Variants in PRDM5 observed in about 807,000 individuals in gnomAD.
PRDM5 encodes PR domain zinc finger protein 5.
PRDM5 carries 56 observed loss-of-function variants against 81.2 expected under a neutral mutation model. The ratio of observed to expected loss-of-function variants is 0.69; its 90% CI spans 0.56 to 0.86. PRDM5 has a LOEUF of 0.86. PRDM5 is among the 40% of genes least tolerant of loss of function. PRDM5 has a pLI of 0.00. For missense variants in PRDM5, 697 were observed against 770.1 expected (o/e 0.91, Z 1.12); for synonymous variants, 267 against 256.4 (o/e 1.04, Z -0.39).
At chr4:120,921,063 CAG>C (rs1471906923) in intron 1 of PRDM5, among the ~76,000 whole-genome samples, 2 of 152,144 alleles carry the variant, frequency 1.3e-5, no homozygotes, top group South Asian at 2.1e-4. Flanking sequence ...CTAATCTTTG[CAG>C]AGTTGTTTAC....
intron 1 of PRDM5, among the ~76,000 whole-genome samples, chr4:120,912,870 CAGA>C (rs908715347): frequency 1.4e-4 from 21 of 152,178 alleles, no homozygotes; most frequent in African/African-American, 4.3e-4. Context: ...ATGTTTTTCA[CAGA>C]AGGAGACTAG....
At chr4:120,701,449 A>G (rs1735351450) in intron 15 of PRDM5, among the ~76,000 whole-genome samples, 1 of 152,190 alleles carries the variant, frequency 6.6e-6, no homozygotes, top group South Asian at 2.1e-4. Flanking sequence ...TGAACAGTGG[A>G]CTGGATAAAG....
At chr4:120,870,592 A>C (rs1422301974) in intron 2 of PRDM5, among the ~76,000 whole-genome samples, 1 of 152,156 alleles carries the variant, frequency 6.6e-6, no homozygotes, top group African/African-American at 2.4e-5. Flanking sequence ...CGGATGAGAA[A>C]AGAGCTGACA....
chr4:120,754,697 G>T (rs1744474760), intron 13 of PRDM5, 59 bp from the exon 14 acceptor site: 2 of 1,190,040 alleles, frequency 1.7e-6, no homozygotes, highest in Admixed American at 3.4e-5. Flanking sequence ...CCAGTCCTGT[G>T]CTATCACTTC....
At chr4:120,702,972 A>T (rs921891198) in intron 15 of PRDM5, among the ~76,000 whole-genome samples, 3 of 152,016 alleles carry the variant, frequency 2.0e-5, no homozygotes, top group Admixed American at 6.6e-5. Flanking sequence ...TCTTTCTCTC[A>T]CTGTGCTCCA....
intron 1 of PRDM5, among the ~76,000 whole-genome samples, chr4:120,920,510 C>T (rs1398189999): frequency 6.6e-6 from 1 of 152,190 alleles, no homozygotes. Flanking sequence ...CTTCCATAAG[C>T]AGGTAAGGGA....
At chr4:120,862,518 G>C (rs1305862742) in intron 2 of PRDM5, among the ~76,000 whole-genome samples, 1 of 152,172 alleles carries the variant, frequency 6.6e-6, no homozygotes, top group Non-Finnish European at 1.5e-5. Context: ...ATTATGAAAA[G>C]CTTCCAGTAG....
intron 14 of PRDM5, among the ~76,000 whole-genome samples, chr4:120,742,064 T>C (rs928568289): frequency 5.3e-5 from 8 of 152,192 alleles, no homozygotes; most frequent in Admixed American, 1.3e-4. Flanking sequence ...GTTCTCCCAG[T>C]ACGCAGCTGG....
At chr4:120,711,016 A>T (rs539744557) in intron 14 of PRDM5, among the ~76,000 whole-genome samples, 2 of 152,334 alleles carry the variant, frequency 1.3e-5, no homozygotes, top group African/African-American at 4.8e-5. Context: ...GGATTGTGCT[A>T]CATTTCCTCC....
At chr4:120,697,947 TACAA>T (rs1734750300) in intron 15 of PRDM5, among the ~76,000 whole-genome samples, 1 of 70,080 alleles carries the variant, frequency 1.4e-5, no homozygotes, top group Non-Finnish European at 3.8e-5. Flanking sequence ...TTAATAAGTA[TACAA>T]ATAAAATAAA....
rs568740334 is a variant in PRDM5, at chr4:120,854,203, A to C, written c.178-663T>G. ...TACTCTACATTCAACTGGAGAGAGG[A>C]GGGGAGTAACTCCAAAAGCAGGTAA... On this transcript the variant is annotated intron_variant, in intron 2 of 15. Transcript: ENST00000264808. Among the ~76,000 whole-genome samples, 7 of 152,276 alleles carry C rather than the reference A, an allele frequency of 4.6e-5. No homozygotes were observed. In the South Asian group the frequency reaches 1.5e-3, roughly 32 times the overall value.
intron 3 of PRDM5, among the ~76,000 whole-genome samples, chr4:120,825,200 C>T (rs1755803051): frequency 6.6e-6 from 1 of 152,104 alleles, no homozygotes; most frequent in South Asian, 2.1e-4. Flanking sequence ...GTGCCTATCT[C>T]ATAGGATGGC....
Position 120,820,450 on chromosome 4 carries a change from T to C in PRDM5, c.475+721A>G, listed in dbSNP as rs343186. Reference sequence around the variant, plus strand: ...GCCTATTACAAAATGTGAATACCTATAGCATCATTCATATATCCCTTAAAT... The same window carrying C: ...GCCTATTACAAAATGTGAATACCTACAGCATCATTCATATATCCCTTAAAT... On this transcript the variant is annotated intron_variant, in intron 4 of 15. Transcript: ENST00000264808. 7.8e-3 allele frequency among the ~76,000 whole-genome samples: 1,185 copies of C among 152,356 alleles called. 15 individuals are homozygous for C. Among genetic ancestry groups the C allele is most frequent in the African/African-American group, 0.027 (1,122 of 41,592 alleles).
chr4:120,724,121 AATTT>A (rs1739059102), intron 14 of PRDM5, among the ~76,000 whole-genome samples: 1 of 152,036 alleles, frequency 6.6e-6, no homozygotes. Flanking sequence ...CATACCAATT[AATTT>A]AAGTGTTCCA....
intron 1 of PRDM5, 45 bp downstream of exon 1, chr4:120,922,471 G>C: frequency 6.8e-7 from 1 of 1,474,298 alleles, no homozygotes; most frequent in Non-Finnish European, 9.0e-7. Flanking sequence ...GAGGCACAGG[G>C]CGCGCGAGGT....
intron 10 of PRDM5, among the ~76,000 whole-genome samples, chr4:120,792,918 G>A (rs1242894859): frequency 1.3e-5 from 2 of 152,142 alleles, no homozygotes. Flanking sequence ...AGAGGTAAAG[G>A]GGCAGGGGAA....
Position 120,699,199 on chromosome 4 carries a change from TA to T in PRDM5, c.1729-3925del, listed in dbSNP as rs1560890230. Among the ~76,000 whole-genome samples, 192 of 71,268 alleles carry T rather than the reference TA, an allele frequency of 2.7e-3. 1 individual carries two copies. The South Asian group carries it at 0.047, about 17-fold the overall frequency. The allele number at this position is 71,268 out of a possible 152,430, so 46.8% of individuals were successfully genotyped here. On this transcript the variant is annotated intron_variant, in intron 15 of 15. Transcript: ENST00000264808. Reference sequence around the variant, plus strand: ...ATATATATATATATATATATATATATATATATTTCAGATGTCTCCTTAATAA... The same window carrying T: ...ATATATATATATATATATATATATATTATATTTCAGATGTCTCCTTAATAA...
intron 3 of PRDM5, among the ~76,000 whole-genome samples, chr4:120,826,722 C>T (rs970940760): frequency 2.0e-5 from 3 of 151,996 alleles, no homozygotes; most frequent in African/African-American, 7.3e-5. Flanking sequence ...AGTGGTGACT[C>T]GATGAGGACT....
chr4:120,766,946 C>T (rs1307584057), intron 13 of PRDM5, among the ~76,000 whole-genome samples: 5 of 152,068 alleles, frequency 3.3e-5, no homozygotes, highest in Non-Finnish European at 7.4e-5. Flanking sequence ...TAAAAAATAA[C>T]ATTTTCAAGG....
Sources: allele counts gnomAD v4.1 joint callset (sites outside exome capture counted in the v4.1 genomes callset), GRCh38; gene constraint gnomAD v4.1.1; transcripts MANE v1.5; gene names NCBI Gene and HGNC (gene_info 2026-07-23, HGNC 2026-07-21).